KIAA1614: variants seen among roughly 807,000 people sequenced by gnomAD.
KIAA1614 encodes the protein uncharacterized protein KIAA1614.
KIAA1614 carries 76 observed loss-of-function variants against 88.7 expected under a neutral mutation model. That is an observed-to-expected ratio of 0.86 (90% CI 0.71 to 1.04). The LOEUF (loss-of-function observed/expected upper bound fraction) is 1.04. Ranked by LOEUF, KIAA1614 falls within the 50% of genes least tolerant of loss-of-function variation. KIAA1614 has a pLI of 0.00. For missense variants in KIAA1614, 1,553 were observed against 1,582.5 expected (o/e 0.98, Z 0.32); for synonymous variants, 714 against 675.5 (o/e 1.06, Z -0.88).
intron 7 of KIAA1614, among the ~76,000 whole-genome samples, chr1:180,942,095 C>T (rs1654482521): frequency 7.9e-6 from 1 of 125,872 alleles, no homozygotes; most frequent in Non-Finnish European, 1.6e-5. Flanking sequence ...TTCTCCTATG[C>T]CTCCCTCCTT....
chr1:180,920,318 G>A (rs962398719), intron 3 of KIAA1614, among the ~76,000 whole-genome samples: 3 of 152,198 alleles, frequency 2.0e-5, no homozygotes, highest in Admixed American at 1.3e-4. Flanking sequence ...TGCTTCCCTC[G>A]GCTCTATGCC....
At chr1:180,923,759 G>T (rs1400589402) in intron 3 of KIAA1614, among the ~76,000 whole-genome samples, 1 of 152,026 alleles carries the variant, frequency 6.6e-6, no homozygotes, top group Non-Finnish European at 1.5e-5. Context: ...GCTGAGTGCG[G>T]GAGAAGAGAC....
In KIAA1614 at chr1:180,950,975, C is replaced by G. The variant is rs1654716203; in HGVS notation, c.*5387C>G. On this transcript the variant is annotated 3_prime_UTR_variant, in exon 9 of 9. Transcript: ENST00000367588. Reference sequence around the variant, plus strand: ...TGGCCTTGACCCTTCCCTATTTCAGCCACGTTCCTCCCTACTCCATTCACT... The same window carrying G: ...TGGCCTTGACCCTTCCCTATTTCAGGCACGTTCCTCCCTACTCCATTCACT... 6.6e-6 allele frequency: 1 copy of G among 152,338 alleles called. No homozygotes were observed. The highest frequency in any genetic ancestry group is 1.5e-5 in the Non-Finnish European group (1 of 68,128). The allele number at this position is 152,338 out of a possible 1,614,324, so 9.4% of individuals were successfully genotyped here.
At chr1:180,945,171 A>C (rs1340952713) in intron 8 of KIAA1614, 132 bp from the exon 9 acceptor site, 4 of 1,122,902 alleles carry the variant, frequency 3.6e-6, no homozygotes, top group Non-Finnish European at 4.9e-6. Context: ...TTGCTGGCTG[A>C]AGTCAGCAGA....
chr1:180,935,843 C>CGCGACT lies in KIAA1614; in HGVS notation c.1944_1949dup (p.Leu649_Arg650dup), dbSNP rs762591781. 1.8e-5 allele frequency: 29 copies of CGCGACT among 1,613,610 alleles called. No individual in the cohort carries two copies. The highest frequency in any genetic ancestry group is 1.3e-4 in the East Asian group (6 of 44,868). On this transcript the variant is annotated inframe_insertion, in exon 5 of 9. Transcript: ENST00000367588. The surrounding 1 kb of genome is among the most constrained non-coding windows in gnomAD (Gnocchi z 6.1). ...TGTGGGCGGACCCAAGGCAGCAGCC[C>CGCGACT]GCGACTGCGACTGCGGGGCTCCAGG...
chr1:180,930,473 A>G (rs1370159920), intron 4 of KIAA1614, among the ~76,000 whole-genome samples: 1 of 152,128 alleles, frequency 6.6e-6, no homozygotes, highest in Non-Finnish European at 1.5e-5. Flanking sequence ...ATTCTTCTTC[A>G]CGTATATAAA....
intron 3 of KIAA1614, among the ~76,000 whole-genome samples, chr1:180,918,687 G>A (rs1653878411): frequency 6.6e-6 from 1 of 152,168 alleles, no homozygotes; most frequent in African/African-American, 2.4e-5. Context: ...CCCCTGCGAG[G>A]CCTTGTGGTT....
chr1:180,916,586 C>A lies in KIAA1614; in HGVS notation c.483C>A (p.Pro161=), dbSNP rs375883874. 2 of 1,606,926 alleles carry A rather than the reference C, an allele frequency of 1.2e-6. No homozygotes were observed. Among genetic ancestry groups the A allele is most frequent in the Middle Eastern group, 1.7e-4 (1 of 6,028 alleles). ...ACGGCAGCATCAATGAGGAGCAACC[C>A]GCCAGGGATGGAGGCCCCAGGCTTC... is the stretch of plus-strand genomic sequence containing the variant. ...QLDGSINEEQ[P]ARDGGPRLPR... The change falls in exon 2 of 9, where the codon CCC becomes CCA. Residue 161 remains proline (P), a synonymous_variant. Coordinates refer to ENST00000367588, the MANE Select transcript of KIAA1614 (RefSeq NM_020950.2).
chr1:180,928,136 C>T, intron 3 of KIAA1614: 1 of 314,014 alleles, frequency 3.2e-6, no homozygotes, highest in Non-Finnish European at 5.8e-6. Context: ...GGAGACTCTC[C>T]TACCCTTTCT....
At chr1:180,938,502 G>A (rs1042106738) in intron 5 of KIAA1614, 53 bp from the exon 6 acceptor site, 156 of 1,591,010 alleles carry the variant, frequency 9.8e-5, no homozygotes, top group Non-Finnish European at 1.3e-4. Flanking sequence ...TTCCCCCACA[G>A]GACCTGTGGG....
intron 3 of KIAA1614, among the ~76,000 whole-genome samples, chr1:180,924,620 C>T (rs1297984833): frequency 1.3e-5 from 2 of 152,176 alleles, no homozygotes; most frequent in Admixed American, 6.5e-5. Context: ...GTCAGCTTTC[C>T]TCCATGACCA....
intron 3 of KIAA1614, among the ~76,000 whole-genome samples, chr1:180,919,010 C>T (rs1181870037): frequency 6.6e-6 from 1 of 152,112 alleles, no homozygotes; most frequent in African/African-American, 2.4e-5. Flanking sequence ...CAAGGCAGCC[C>T]TCTGGGGCCT....
chr1:180,926,786 G>A (rs962271748), intron 3 of KIAA1614, among the ~76,000 whole-genome samples: 1 of 152,272 alleles, frequency 6.6e-6, no homozygotes, highest in Non-Finnish European at 1.5e-5. Flanking sequence ...AGGGAGCACA[G>A]CTGCTCTCAG....
At chr1:180,915,169 G>A (rs1355191768) in intron 1 of KIAA1614, among the ~76,000 whole-genome samples, 3 of 152,190 alleles carry the variant, frequency 2.0e-5, no homozygotes, top group African/African-American at 4.8e-5. Flanking sequence ...TTGCAGTCCC[G>A]CCTGGCATAG....
chr1:180,945,515 A>G lies in KIAA1614; in HGVS notation c.3500A>G (p.His1167Arg). ...ATGCCCTCTCCTCTTCCTCAGCCCC[A>G]TGGCTGGGGCGGCCTTAGCAAACAA... ...SGMPSPLPQP[H>R]GWGGLSKQGR... is the part of the protein sequence containing the mutation. The change falls in exon 9 of 9, where the codon CAT (histidine) becomes CGT (arginine). Residue 1167 changes from histidine to arginine, a missense_variant. Coordinates refer to ENST00000367588, the MANE Select transcript of KIAA1614 (RefSeq NM_020950.2). 1 of 1,613,500 alleles carries G rather than the reference A, an allele frequency of 6.2e-7. No homozygotes were observed. Among genetic ancestry groups the G allele is most frequent in the Non-Finnish European group, 8.5e-7 (1 of 1,179,864 alleles).
At chr1:180,937,561 A>G (rs1405581931) in intron 5 of KIAA1614, among the ~76,000 whole-genome samples, 4 of 151,688 alleles carry the variant, frequency 2.6e-5, no homozygotes, top group African/African-American at 9.7e-5. Flanking sequence ...TAACAGGCTC[A>G]CTCCACACAT....
intron 1 of KIAA1614, among the ~76,000 whole-genome samples, chr1:180,915,824 A>T (rs1653780537): frequency 6.6e-6 from 1 of 152,136 alleles, no homozygotes; most frequent in African/African-American, 2.4e-5. Flanking sequence ...ATAGGAGCAC[A>T]AATTTTATTG....
rs115339814 is a variant in KIAA1614, at chr1:180,920,169, C to T, written c.1061+2255C>T. 4.5e-3 allele frequency among the ~76,000 whole-genome samples: 679 copies of T among 152,312 alleles called. 2 individuals carry two copies. Among genetic ancestry groups the T allele is most frequent in the Non-Finnish European group, 7.4e-3 (506 of 68,014 alleles). ...CTCAGATAGGGTTCCCTGTCTGGCT[C>T]TATCCCCGAGTCTCCTGGGCAGACA... On this transcript the variant is annotated intron_variant, in intron 3 of 8. Transcript: ENST00000367588.
rs765550559 is a variant in KIAA1614, at chr1:180,936,623, G to C, written c.2714G>C (p.Gly905Ala). 1.9e-6 allele frequency: 3 copies of C among 1,588,992 alleles called. No individual in the cohort carries two copies. In the African/African-American group the frequency reaches 4.0e-5, roughly 21 times the overall value. The change falls in exon 5 of 9, where the codon GGC (glycine) becomes GCC (alanine). Residue 905 changes from glycine to alanine, a missense_variant. Physicochemically the swap from Gly to Ala is moderately conservative, Grantham distance 60. Coordinates refer to ENST00000367588, the MANE Select transcript of KIAA1614 (RefSeq NM_020950.2). ...GAVHEGRVERGPCSREPEPPL... is the reference protein window; with the variant it reads ...GAVHEGRVERAPCSREPEPPL... The stretch of plus-strand genomic sequence containing the variant: ...GTCCACGAGGGTAGGGTGGAGAGGG[G>C]CCCCTGCAGCCGGGAACCGGAGCCG...
Sources: allele counts gnomAD v4.1 joint callset (sites outside exome capture counted in the v4.1 genomes callset), GRCh38; gene constraint gnomAD v4.1.1; non-coding constraint Gnocchi (gnomAD v3.1); transcripts MANE v1.5; gene names NCBI Gene and HGNC (gene_info 2026-07-23, HGNC 2026-07-21).